The following CENPP variants were observed in gnomAD, a reference collection of about 807,000 sequenced individuals.
The protein encoded by CENPP is centromere protein P.
Under a neutral mutation model 35.6 loss-of-function variants are expected in CENPP, and 24 were observed. That is an observed-to-expected ratio of 0.67 (90% CI 0.49 to 0.95). The LOEUF (loss-of-function observed/expected upper bound fraction) is 0.95. Ranked by LOEUF, CENPP falls within the 40% of genes least tolerant of loss-of-function variation. The pLI is 0.00. For missense variants in CENPP, 332 were observed against 345.3 expected (o/e 0.96, Z 0.31); for synonymous variants, 120 against 125.5 (o/e 0.96, Z 0.29).
At chr9:92,493,120 C>T (rs1479817212) in intron 5 of CENPP, among the ~76,000 whole-genome samples, 3 of 152,162 alleles carry the variant, frequency 2.0e-5, no homozygotes, top group African/African-American at 7.2e-5. Flanking sequence ...GATTTTAAAA[C>T]CTAGTGTGTC....
intron 5 of CENPP, chr9:92,459,506 C>A: frequency 1.1e-6 from 1 of 882,128 alleles, no homozygotes; most frequent in Non-Finnish European, 1.7e-6. Flanking sequence ...CTCATGCAAC[C>A]TGGAGAGTCA....
chr9:92,569,390 T>C (rs1588283729), intron 5 of CENPP, among the ~76,000 whole-genome samples: 1 of 152,224 alleles, frequency 6.6e-6, no homozygotes, highest in East Asian at 1.9e-4. Flanking sequence ...CAGATGGTTG[T>C]AGATGTGTGG....
At chr9:92,394,809 G>A (rs1413886545) in intron 5 of CENPP, among the ~76,000 whole-genome samples, 1 of 151,740 alleles carries the variant, frequency 6.6e-6, no homozygotes, top group African/African-American at 2.4e-5. Context: ...GTTTCACCAT[G>A]TTGGCCAGGC....
At chr9:92,375,400 C>T (rs1842101925) in intron 4 of CENPP, among the ~76,000 whole-genome samples, 1 of 152,190 alleles carries the variant, frequency 6.6e-6, no homozygotes, top group Admixed American at 6.5e-5. Flanking sequence ...TCAAGGGATT[C>T]TCCTGCCTCA....
At chr9:92,512,294 A>G (rs1847401415) in intron 5 of CENPP, among the ~76,000 whole-genome samples, 1 of 152,222 alleles carries the variant, frequency 6.6e-6, no homozygotes, top group Non-Finnish European at 1.5e-5. Context: ...TGTTCAGAAA[A>G]GTAACAAGCT....
chr9:92,437,970 G>C (rs1844289358), intron 5 of CENPP, among the ~76,000 whole-genome samples: 1 of 150,224 alleles, frequency 6.7e-6, no homozygotes, highest in Non-Finnish European at 1.5e-5. Context: ...TCCACACCTG[G>C]CTAATTTTTT....
chr9:92,517,911 A>C, intron 5 of CENPP: 1 of 1,611,776 alleles, frequency 6.2e-7, no homozygotes, highest in South Asian at 1.1e-5. Context: ...TAAATTTCTT[A>C]TGTGATTATC....
intron 5 of CENPP, among the ~76,000 whole-genome samples, chr9:92,470,198 G>GA (rs1016776739): frequency 1.3e-5 from 2 of 152,112 alleles, no homozygotes; most frequent in African/African-American, 2.4e-5. Context: ...ATACAGTAAA[G>GA]AAAAAATTCT....
intron 5 of CENPP, among the ~76,000 whole-genome samples, chr9:92,473,284 C>T (rs1348100591): frequency 1.3e-5 from 2 of 152,202 alleles, no homozygotes; most frequent in South Asian, 2.1e-4. Flanking sequence ...GAGGCCAGCA[C>T]GTGGGGGTGG....
In CENPP at chr9:92,379,728, A is replaced by T. The variant is rs1295215770; in HGVS notation, c.468-35A>T. 4 of 1,434,944 alleles carry T rather than the reference A, an allele frequency of 2.8e-6. No individual in the cohort carries two copies. In the African/African-American group the frequency reaches 4.2e-5, roughly 15 times the overall value. 88.9% of individuals were successfully genotyped at this position (1,434,944 alleles called of 1,614,324 possible). On this transcript the variant is annotated intron_variant, in intron 4 of 7. Coordinates refer to ENST00000375587, the MANE Select transcript of CENPP (RefSeq NM_001012267.3). ...GCTAGATTGGGTCTATCATTTAATGATATTTATTAATCAGAGAATCATTTA... is the reference window on the plus strand; with the variant it reads ...GCTAGATTGGGTCTATCATTTAATGTTATTTATTAATCAGAGAATCATTTA...
chr9:92,588,254 T>TTTTGG (rs1171605525), intron 5 of CENPP, among the ~76,000 whole-genome samples: 1 of 151,746 alleles, frequency 6.6e-6, no homozygotes, highest in Non-Finnish European at 1.5e-5. Context: ...TGTTTGTTTG[T>TTTTGG]TTTGGTTTTT....
chr9:92,548,540 T>C (rs1244306461), intron 5 of CENPP, among the ~76,000 whole-genome samples: 1 of 152,232 alleles, frequency 6.6e-6, no homozygotes, highest in South Asian at 2.1e-4. Context: ...ATTGGAAATA[T>C]ATTTTAATAA....
At position 92,432,240 on chromosome 9, in the gene CENPP, G is replaced by A. The variant is rs561821986; in HGVS notation, c.564+52381G>A. ...CTTGGGAGGCTGAGGCAGGAGAATC[G>A]CTTGAACCTGGGAGGCAGAGGTTGC... On this transcript the variant is annotated intron_variant, in intron 5 of 7. Coordinates refer to ENST00000375587, the MANE Select transcript of CENPP (RefSeq NM_001012267.3). Among the ~76,000 whole-genome samples, 14 of 152,052 alleles carry A rather than the reference G, an allele frequency of 9.2e-5. No homozygotes were observed. In the East Asian group the frequency reaches 2.1e-3, roughly 23 times the overall value.
chr9:92,372,564 A>ACC (rs1842035073), intron 4 of CENPP, among the ~76,000 whole-genome samples: 7 of 152,232 alleles, frequency 4.6e-5, no homozygotes, highest in Admixed American at 2.0e-4. Context: ...CATGATGGTA[A>ACC]ATGTCATCCT....
intron 5 of CENPP, among the ~76,000 whole-genome samples, chr9:92,453,116 T>G (rs1289465491): frequency 6.6e-6 from 1 of 151,834 alleles, no homozygotes; most frequent in Admixed American, 6.6e-5. Flanking sequence ...CTGCTCTGAT[T>G]TTAGTTATTT....
At chr9:92,417,643 C>T in intron 5 of CENPP, 1 of 840,932 alleles carries the variant, frequency 1.2e-6, no homozygotes. Context: ...TGTATAAATT[C>T]TCAGTTATAT....
In CENPP at chr9:92,523,013, A is replaced by G; in HGVS notation, c.565-88301A>G. The G allele has an allele frequency of 3.3e-6, 3 of 914,062 alleles. No individual in the cohort carries two copies. In the South Asian group the frequency reaches 5.4e-5, roughly 16 times the overall value. 56.6% of individuals were successfully genotyped at this position (914,062 alleles called of 1,614,324 possible). ...CTTTGAGAAATTACACTTATGATAT[A>G]TGGACTATATGCTATAGTATTATTG... On this transcript the variant is annotated intron_variant, in intron 5 of 7. Coordinates refer to ENST00000375587, the MANE Select transcript of CENPP (RefSeq NM_001012267.3).
intron 5 of CENPP, chr9:92,515,182 C>A: frequency 6.3e-7 from 1 of 1,596,614 alleles, no homozygotes. Flanking sequence ...TAATGCTATA[C>A]CACTGAGTAG....
chr9:92,393,312 A>C (rs1035590337), intron 5 of CENPP: 1 of 1,203,654 alleles, frequency 8.3e-7, no homozygotes, highest in Non-Finnish European at 1.2e-6. Flanking sequence ...TAGTAGTAAA[A>C]TTATTGCTAT....
Sources: allele counts gnomAD v4.1 joint callset (sites outside exome capture counted in the v4.1 genomes callset), GRCh38; gene constraint gnomAD v4.1.1; transcripts MANE v1.5; gene names NCBI Gene and HGNC (gene_info 2026-07-23, HGNC 2026-07-21).